The following SHISA9 variants were observed in gnomAD, a reference collection of about 807,000 sequenced individuals.
SHISA9 encodes the protein protein shisa-9.
A neutral mutation model predicts 38.0 loss-of-function variants in SHISA9; 13 were observed. That is an observed-to-expected ratio of 0.34 (90% CI 0.22 to 0.54). The LOEUF (loss-of-function observed/expected upper bound fraction) is 0.54. SHISA9 is among the 20% of genes least tolerant of loss of function. The pLI is 0.91. For synonymous variants in SHISA9, 275 were observed against 242.0 expected, an observed-to-expected ratio of 1.14 and a Z score of -1.27; for missense variants, 538 against 575.8, an observed-to-expected ratio of 0.93 and a Z score of 0.67.
At chr16:13,475,960 G>A in the SHISA9 span, among the ~76,000 whole-genome samples, 2 of 152,090 alleles carry the variant, frequency 1.3e-5, no homozygotes, top group East Asian at 1.9e-4. Context: ...GCCAGCTATG[G>A]GGAGCAGCTG....
At chr16:13,123,048 A>T (rs114971493) in intron 2 of SHISA9, among the ~76,000 whole-genome samples, 1 of 152,238 alleles carries the variant, frequency 6.6e-6, no homozygotes, top group Non-Finnish European at 1.5e-5. Flanking sequence ...CTCCATCTCA[A>T]AAAAGATATT....
intron 4 of SHISA9, 41 bp from the exon 5 acceptor site, chr16:13,234,987 TTC>T (rs988602672): frequency 1.0e-4 from 155 of 1,490,436 alleles, no homozygotes; most frequent in Non-Finnish European, 1.4e-4. Flanking sequence ...TCTCTCTCTC[TTC>T]TCTTTCTTCC....
intron 2 of SHISA9, among the ~76,000 whole-genome samples, chr16:12,992,961 G>A (rs939767020): frequency 6.6e-6 from 1 of 152,216 alleles, no homozygotes; most frequent in Non-Finnish European, 1.5e-5. Flanking sequence ...GGCATAGGAA[G>A]ATTACGTCAA....
intron 2 of SHISA9, among the ~76,000 whole-genome samples, chr16:12,928,314 T>TTGTGTGTG (rs55763909): frequency 0.18 from 26,725 of 150,852 alleles, 2,641 homozygotes; most frequent in African/African-American, 0.28. Context: ...CAGAGGTTGG[T>TTGTGTGTG]TGTGTGTGTG....
intron 4 of SHISA9, among the ~76,000 whole-genome samples, chr16:13,229,553 ATGTC>A (rs1157384087): frequency 1.3e-5 from 2 of 152,156 alleles, no homozygotes; most frequent in African/African-American, 4.8e-5. Flanking sequence ...TAGAAAATAT[ATGTC>A]TGGGCCACAA....
intron 2 of SHISA9, among the ~76,000 whole-genome samples, chr16:12,986,723 C>G (rs1175847260): frequency 6.6e-6 from 1 of 152,202 alleles, no homozygotes; most frequent in Non-Finnish European, 1.5e-5. Flanking sequence ...CTAACTGTAC[C>G]AGCCATGGTT....
intron 2 of SHISA9, among the ~76,000 whole-genome samples, chr16:13,004,186 GGAAAAGTCT>G (rs1232205900): frequency 6.6e-6 from 1 of 152,138 alleles, no homozygotes; most frequent in African/African-American, 2.4e-5. Context: ...GGGGATATAG[GGAAAAGTCT>G]GACTTGTAAC....
At chr16:13,396,806 G>A in the SHISA9 span, among the ~76,000 whole-genome samples, 1 of 151,922 alleles carries the variant, frequency 6.6e-6, no homozygotes, top group South Asian at 2.1e-4. Flanking sequence ...TTCCTGAAAG[G>A]GTGTCTGGGG....
chr16:13,286,347 A>G, the SHISA9 span, among the ~76,000 whole-genome samples: 2 of 152,150 alleles, frequency 1.3e-5, no homozygotes, highest in East Asian at 1.9e-4. Context: ...CCTGTCTCAG[A>G]TATTTGGGGT....
At chr16:13,023,169 A>G (rs1385608443) in intron 2 of SHISA9, among the ~76,000 whole-genome samples, 1 of 152,140 alleles carries the variant, frequency 6.6e-6, no homozygotes, top group Non-Finnish European at 1.5e-5. Context: ...TCCCTCCCCA[A>G]GTCCCTGACC....
At chr16:13,244,602 A>G (rs1019813867), downstream of SHISA9, among the ~76,000 whole-genome samples, 2 of 152,200 alleles carry the variant, frequency 1.3e-5, no homozygotes, top group African/African-American at 2.4e-5. Flanking sequence ...GTGTTAATCA[A>G]TTGTTTATTT....
the SHISA9 span, among the ~76,000 whole-genome samples, chr16:13,544,429 G>GTTTTTTTTTTTTTTTTTTTTTTT: frequency 9.8e-6 from 1 of 102,116 alleles, no homozygotes; most frequent in African/African-American, 4.0e-5. Context: ...TTTTTTTCTT[G>GTTTTTTTTTTTTTTTTTTTTTTT]TTTTTTTTTT....
chr16:13,549,975 A>G, the SHISA9 span, among the ~76,000 whole-genome samples: 2 of 150,786 alleles, frequency 1.3e-5, no homozygotes, highest in African/African-American at 4.9e-5. Flanking sequence ...GTGAGCCGAG[A>G]TTGTGCCACT....
the SHISA9 span, among the ~76,000 whole-genome samples, chr16:13,420,245 CAAAAAAA>C: frequency 1.8e-3 from 92 of 50,404 alleles, 2 homozygotes; most frequent in East Asian, 5.0e-3. Context: ...GAATCTGTTT[CAAAAAAA>C]AAAAAAAAAA....
intron 2 of SHISA9, among the ~76,000 whole-genome samples, chr16:12,997,955 C>T (rs117121575): frequency 6.6e-6 from 1 of 152,096 alleles, no homozygotes; most frequent in South Asian, 2.1e-4. Context: ...TTATACACGG[C>T]GTGTAATAGG....
At chr16:13,088,890 G>T (rs1051814583) in intron 2 of SHISA9, among the ~76,000 whole-genome samples, 73 of 152,184 alleles carry the variant, frequency 4.8e-4, no homozygotes, top group African/African-American at 1.5e-3. Flanking sequence ...CCTTGTGCCA[G>T]TTTTCAAAGG....
At chr16:13,542,485 T>C in the SHISA9 span, among the ~76,000 whole-genome samples, 1 of 152,172 alleles carries the variant, frequency 6.6e-6, no homozygotes, top group Non-Finnish European at 1.5e-5. Flanking sequence ...TCACTCAATA[T>C]CACACAGCCC....
At chr16:13,084,411 G>C (rs2073688113) in intron 2 of SHISA9, among the ~76,000 whole-genome samples, 1 of 152,248 alleles carries the variant, frequency 6.6e-6, no homozygotes, top group Non-Finnish European at 1.5e-5. Flanking sequence ...CCAGACAACA[G>C]TATTCTTGCT....
chr16:13,234,863 C>T (rs2051365696), intron 4 of SHISA9, among the ~76,000 whole-genome samples, 167 bp from the exon 5 acceptor site: 1 of 151,874 alleles, frequency 6.6e-6, no homozygotes, highest in Non-Finnish European at 1.5e-5. Context: ...TGCTGCCCTT[C>T]CCTCTGTCTT....
Sources: allele counts gnomAD v4.1 joint callset (sites outside exome capture counted in the v4.1 genomes callset), GRCh38; gene constraint gnomAD v4.1.1; transcripts MANE v1.5; gene names NCBI Gene and HGNC (gene_info 2026-07-23, HGNC 2026-07-21).